The following GPC6 variants were observed in gnomAD, a reference collection of about 807,000 sequenced individuals.
GPC6 encodes the protein glypican-6.
In GPC6, 14 loss-of-function variants were observed where a neutral mutation model predicts 55.2. The observed-to-expected ratio is 0.25, with a 90% confidence interval of 0.17 to 0.40. The LOEUF is 0.40. GPC6 is among the 10% of genes least tolerant of loss of function. The pLI, the probability that GPC6 is intolerant of heterozygous loss-of-function variation, is 1.00. For synonymous variants in GPC6, 278 were observed against 259.6 expected (o/e 1.07, Z -0.68); for missense variants, 641 against 708.5 (o/e 0.90, Z 1.08).
At chr13:94,169,678 T>A (rs559207588) in intron 4 of GPC6, among the ~76,000 whole-genome samples, 107 of 152,242 alleles carry the variant, frequency 7.0e-4, no homozygotes, top group African/African-American at 1.9e-3. Context: ...ATCCTTTGTA[T>A]CCCTTGCGGG....
At chr13:93,921,418 C>T (rs928186) in intron 3 of GPC6, among the ~76,000 whole-genome samples, 47,564 of 151,908 alleles carry the variant, frequency 0.31, 7,749 homozygotes, top group Middle Eastern at 0.43. Context: ...CAGGAAGAAT[C>T]AGGTCACACA....
At chr13:93,362,085 G>A (rs1881060078) in intron 1 of GPC6, among the ~76,000 whole-genome samples, 1 of 152,166 alleles carries the variant, frequency 6.6e-6, no homozygotes, top group Non-Finnish European at 1.5e-5. Flanking sequence ...ATGCTCTGGG[G>A]TATGTTTTGG....
chr13:93,344,688 A>G (rs886370708), intron 1 of GPC6, among the ~76,000 whole-genome samples: 2 of 152,128 alleles, frequency 1.3e-5, no homozygotes, highest in African/African-American at 2.4e-5. Context: ...AAGGTTGACA[A>G]TCCCTGAGCC....
chr13:94,248,930 T>C (rs1891275344), intron 4 of GPC6, among the ~76,000 whole-genome samples: 1 of 152,166 alleles, frequency 6.6e-6, no homozygotes, highest in South Asian at 2.1e-4. Flanking sequence ...ATGAAATGCA[T>C]TGCAAATATG....
chr13:94,092,301 C>T (rs1478107984), intron 4 of GPC6, among the ~76,000 whole-genome samples: 12 of 152,018 alleles, frequency 7.9e-5, no homozygotes, highest in Non-Finnish European at 1.8e-4. Flanking sequence ...ATTTTCCCCA[C>T]CCACTTGCCC....
chr13:94,048,014 T>C (rs1883793165), intron 4 of GPC6, among the ~76,000 whole-genome samples: 1 of 149,736 alleles, frequency 6.7e-6, no homozygotes, highest in African/African-American at 2.4e-5. Flanking sequence ...TTTTTTTCTC[T>C]GGGAAAAGTT....
chr13:93,501,597 T>TA (rs1378178605), intron 1 of GPC6, among the ~76,000 whole-genome samples: 1 of 152,168 alleles, frequency 6.6e-6, no homozygotes, highest in South Asian at 2.1e-4. Context: ...ACAAAACTGA[T>TA]AGAGTGCCTT....
chr13:93,851,849 C>A (rs1385301944), intron 3 of GPC6, among the ~76,000 whole-genome samples: 2 of 151,608 alleles, frequency 1.3e-5, no homozygotes, highest in Non-Finnish European at 3.0e-5. Context: ...TTCTAGGTCA[C>A]TGAGCTTCTG....
chr13:93,629,589 C>G (rs751077198), intron 2 of GPC6, among the ~76,000 whole-genome samples: 1 of 152,182 alleles, frequency 6.6e-6, no homozygotes, highest in Non-Finnish European at 1.5e-5. Context: ...ATTACATACT[C>G]TCTTAGACTT....
chr13:93,235,941 T>A (rs1876218672), intron 1 of GPC6, among the ~76,000 whole-genome samples: 1 of 152,158 alleles, frequency 6.6e-6, no homozygotes, highest in South Asian at 2.1e-4. Flanking sequence ...TTCCACCAGA[T>A]CACCTCCAAA....
intron 2 of GPC6, among the ~76,000 whole-genome samples, chr13:93,614,708 T>G (rs1878643266): frequency 6.6e-6 from 1 of 152,164 alleles, no homozygotes; most frequent in Non-Finnish European, 1.5e-5. Flanking sequence ...TTTTATTTAT[T>G]TACCCAAAAG....
intron 4 of GPC6, among the ~76,000 whole-genome samples, chr13:94,226,525 A>G (rs1890563664): frequency 6.6e-6 from 1 of 152,192 alleles, no homozygotes; most frequent in African/African-American, 2.4e-5. Flanking sequence ...GTATTAAAAC[A>G]TTACACTGTA....
intron 4 of GPC6, among the ~76,000 whole-genome samples, chr13:94,188,782 G>A (rs909660497): frequency 3.9e-5 from 6 of 152,058 alleles, no homozygotes; most frequent in South Asian, 2.1e-4. Context: ...GCTGGTGACC[G>A]ATTTGTTATC....
intron 3 of GPC6, among the ~76,000 whole-genome samples, chr13:93,895,275 T>TATAC (rs1875946235): frequency 1.5e-5 from 2 of 132,280 alleles, no homozygotes; most frequent in African/African-American, 5.8e-5. Flanking sequence ...TATATATATA[T>TATAC]ATGTAACTGT....
chr13:94,055,669 G>T (rs1009309433), intron 4 of GPC6, among the ~76,000 whole-genome samples: 9 of 152,154 alleles, frequency 5.9e-5, no homozygotes, highest in Admixed American at 4.6e-4. Context: ...ATTGTTGGAT[G>T]TAGTCAAATA....
chr13:93,373,513 A>C (rs1874755390), intron 1 of GPC6, among the ~76,000 whole-genome samples: 1 of 152,206 alleles, frequency 6.6e-6, no homozygotes, highest in Admixed American at 6.5e-5. Flanking sequence ...AAGTATAAAG[A>C]GTGACTTTAT....
At chr13:93,763,092 G>T (rs1321251500) in intron 2 of GPC6, among the ~76,000 whole-genome samples, 3 of 152,132 alleles carry the variant, frequency 2.0e-5, no homozygotes, top group Non-Finnish European at 4.4e-5. Flanking sequence ...TTCATGATAG[G>T]ATAATCAATA....
chr13:93,239,042 A>G (rs1424800086), intron 1 of GPC6, among the ~76,000 whole-genome samples: 1 of 151,958 alleles, frequency 6.6e-6, no homozygotes, highest in Non-Finnish European at 1.5e-5. Context: ...ATCTCAGCCC[A>G]CAGTTTTATT....
intron 1 of GPC6, among the ~76,000 whole-genome samples, chr13:93,399,490 A>T (rs1424822446): frequency 6.6e-6 from 1 of 152,234 alleles, no homozygotes; most frequent in Non-Finnish European, 1.5e-5. Context: ...GAGAGGATAC[A>T]ACACAGGAAT....
Sources: allele counts gnomAD v4.1 joint callset (sites outside exome capture counted in the v4.1 genomes callset), GRCh38; gene constraint gnomAD v4.1.1; transcripts MANE v1.5; gene names NCBI Gene and HGNC (gene_info 2026-07-23, HGNC 2026-07-21).